Variants in IRAG1 observed in about 807,000 individuals in gnomAD.
IRAG1 encodes IP3R-associated cGMP kinase substrate.
A neutral mutation model predicts 106.2 loss-of-function variants in IRAG1; 62 were observed. That is an observed-to-expected ratio of 0.58 (90% CI 0.48 to 0.72). The LOEUF is 0.72. Ranked by LOEUF, IRAG1 falls within the 30% of genes least tolerant of loss-of-function variation. The probability of loss-of-function intolerance (pLI) is 0.00; values close to 1 mark genes in which losing one functional copy is unlikely to be tolerated. For synonymous variants in IRAG1, 462 were observed against 443.9 expected, an observed-to-expected ratio of 1.04 and a Z score of -0.51; for missense variants, 1,064 against 1,140.7, an observed-to-expected ratio of 0.93 and a Z score of 0.97.
Position 10,632,047 on chromosome 11 carries a change from T to A in IRAG1, c.344A>T (p.His115Leu). ...CAAGTGTCGGTGAGAAAGCCTCTTG[T>A]GGGGACTGTGAACTCTGAAAGACAG... is the stretch of plus-strand genomic sequence containing the variant. The part of the protein sequence containing the change: ...KNLANRVHSP[H>L]KRLSHRHLKV... Residue 115 changes from histidine (H) to leucine (L), a missense_variant, in exon 4 of 21, where the codon CAC (histidine) becomes CTC (leucine). His to Leu is a moderately conservative substitution (Grantham distance 99, BLOSUM62 -3). Transcript: ENST00000423302. 1 of 1,613,776 alleles carries A rather than the reference T, an allele frequency of 6.2e-7. No individual in the cohort carries two copies. Among genetic ancestry groups the A allele is most frequent in the Non-Finnish European group, 8.5e-7 (1 of 1,179,730 alleles).
intron 15 of IRAG1, among the ~76,000 whole-genome samples, chr11:10,600,479 T>C (rs537636485): frequency 1.3e-5 from 2 of 152,248 alleles, no homozygotes; most frequent in African/African-American, 4.8e-5. Context: ...AAACTACATA[T>C]ATGATCAAGT....
intron 1 of IRAG1, among the ~76,000 whole-genome samples, chr11:10,692,025 T>A (rs1392877144): frequency 6.6e-6 from 1 of 152,228 alleles, no homozygotes; most frequent in Non-Finnish European, 1.5e-5. Context: ...GTGTTTGCTG[T>A]TTATTTTCTT....
chr11:10,578,873 T>C (rs1447131635), intron 20 of IRAG1, among the ~76,000 whole-genome samples: 1 of 152,194 alleles, frequency 6.6e-6, no homozygotes, highest in Non-Finnish European at 1.5e-5. Context: ...TCTTTTGTTC[T>C]TTCTCAGTGT....
chr11:10,645,458 C>T (rs1489242970), intron 2 of IRAG1, among the ~76,000 whole-genome samples: 1 of 152,186 alleles, frequency 6.6e-6, no homozygotes, highest in Non-Finnish European at 1.5e-5. Flanking sequence ...TGTACGACTG[C>T]GTTCTGAAGG....
At chr11:10,667,786 G>A (rs1034817388) in intron 1 of IRAG1, among the ~76,000 whole-genome samples, 6 of 152,156 alleles carry the variant, frequency 3.9e-5, no homozygotes, top group African/African-American at 9.7e-5. Flanking sequence ...ATAAAATGAA[G>A]ATTCCTACAC....
At chr11:10,666,093 A>G (rs1589946317) in intron 1 of IRAG1, among the ~76,000 whole-genome samples, 1 of 152,150 alleles carries the variant, frequency 6.6e-6, no homozygotes, top group African/African-American at 2.4e-5. Flanking sequence ...TAATGATATG[A>G]GATTGGAAGT....
intron 2 of IRAG1, among the ~76,000 whole-genome samples, chr11:10,642,338 C>T (rs936837207): frequency 1.3e-5 from 2 of 152,166 alleles, no homozygotes; most frequent in African/African-American, 2.4e-5. Context: ...TTTTCCTAAC[C>T]GCCTGGGCAC....
At chr11:10,642,662 T>A (rs1362554972) in intron 2 of IRAG1, among the ~76,000 whole-genome samples, 7 of 152,358 alleles carry the variant, frequency 4.6e-5, no homozygotes, top group Non-Finnish European at 1.0e-4. Flanking sequence ...AAACATTACA[T>A]AGAGCTAATA....
intron 1 of IRAG1, among the ~76,000 whole-genome samples, chr11:10,687,953 A>T (rs1405591296): frequency 1.3e-5 from 2 of 152,082 alleles, no homozygotes; most frequent in Admixed American, 6.5e-5. Flanking sequence ...AAAAATCTGA[A>T]ATCTAAAATG....
intron 5 of IRAG1, among the ~76,000 whole-genome samples, chr11:10,629,245 G>A (rs1437173939): frequency 6.6e-6 from 1 of 152,142 alleles, no homozygotes; most frequent in African/African-American, 2.4e-5. Flanking sequence ...GAAGAAAAGT[G>A]ACTCTAGCAT....
chr11:10,652,289 A>G (rs932922984), intron 1 of IRAG1, 107 bp from the exon 2 acceptor site: 3 of 1,538,436 alleles, frequency 2.0e-6, no homozygotes, highest in African/African-American at 2.7e-5. Context: ...TTGAGTTTGC[A>G]TCAACACCGG....
At chr11:10,593,309 A>T in intron 17 of IRAG1, 183 bp downstream of exon 17, 1 of 506,888 alleles carries the variant, frequency 2.0e-6, no homozygotes, top group Non-Finnish European at 3.6e-6. Flanking sequence ...TTCCCAGAGT[A>T]GTAGAATACA....
rs1423936952 is a variant in IRAG1 at position 10,576,347 on chromosome 11, C to T, written c.2724G>A (p.Gln908=). 1 of 1,613,890 alleles carries T rather than the reference C, an allele frequency of 6.2e-7. No homozygotes were observed. The highest frequency in any genetic ancestry group is 1.7e-5 in the Admixed American group (1 of 60,010). ...SWWSSGLQHE[Q]PTEQ The stretch of plus-strand genomic sequence containing the variant: ...GTGAGGTTTCCTACTGCTCTGTAGG[C>T]TGCTCATGCTGGAGTCCTGAGCTCC... The change falls in exon 21 of 21, where the codon CAG becomes CAA. Residue 908 remains glutamine (Q), a synonymous_variant. Transcript: ENST00000423302.
Position 10,575,759 on chromosome 11 carries a change from T to TC in IRAG1, c.*572dup, listed in dbSNP as rs1470077853. 1.3e-5 allele frequency: 2 copies of TC among 156,662 alleles called. No individual in the cohort carries two copies. The highest frequency in any genetic ancestry group is 4.9e-5 in the African/African-American group (2 of 40,794). 9.7% of individuals were successfully genotyped at this position (156,662 alleles called of 1,614,324 possible). On this transcript the variant is annotated 3_prime_UTR_variant, in exon 21 of 21. Coordinates refer to ENST00000423302, the MANE Select transcript of IRAG1 (RefSeq NM_130385.4). ...TTCAGCCTATACTTTTTTTTTTTTT[T>TC]CTGAGAAGCCTTTCCTACTTCTGTA...
intron 8 of IRAG1, 44 bp downstream of exon 8, chr11:10,627,672 C>T (rs957935540): frequency 2.5e-6 from 4 of 1,609,024 alleles, no homozygotes; most frequent in Non-Finnish European, 3.4e-6. Context: ...GAGACTGTGC[C>T]CCCCACACTC....
At chr11:10,605,666 G>A (rs573482758) in intron 12 of IRAG1, among the ~76,000 whole-genome samples, 12 of 152,250 alleles carry the variant, frequency 7.9e-5, no homozygotes, top group African/African-American at 2.2e-4. Context: ...CCACCATGCC[G>A]AGAGCTGTGT....
intron 1 of IRAG1, among the ~76,000 whole-genome samples, chr11:10,679,985 C>T (rs1265129977): frequency 2.0e-5 from 3 of 151,968 alleles, no homozygotes; most frequent in Non-Finnish European, 2.9e-5. Flanking sequence ...TTTAAAACTC[C>T]ACTCTGGGCC....
At position 10,626,510 on chromosome 11, in the gene IRAG1, C is replaced by T. The variant is rs565811419; in HGVS notation, c.824G>A (p.Arg275His). The T allele has an allele frequency of 2.0e-5, 32 of 1,613,226 alleles. No individual in the cohort carries two copies. The highest frequency in any genetic ancestry group is 6.7e-5 in the East Asian group (3 of 44,876). Residue 275 changes from arginine (R) to histidine (H), a missense_variant, in exon 9 of 21, where the codon CGT becomes CAT. By Grantham distance (29) the Arg-to-His change is conservative. Coordinates refer to ENST00000423302, the MANE Select transcript of IRAG1 (RefSeq NM_130385.4). Reference sequence around the variant, plus strand: ...TTTGGACTTCTCAACTGGAGGAGGACGAGGAGCCAGCCTGCCCTGAGACAC... The same window carrying T: ...TTTGGACTTCTCAACTGGAGGAGGATGAGGAGCCAGCCTGCCCTGAGACAC... ...RKVSQGRLAPRPPPVEKSKEI... is the reference protein window; with the variant it reads ...RKVSQGRLAPHPPPVEKSKEI...
intron 1 of IRAG1, among the ~76,000 whole-genome samples, chr11:10,682,107 A>T (rs1861306896): frequency 6.6e-6 from 1 of 152,222 alleles, no homozygotes; most frequent in Admixed American, 6.5e-5. Context: ...TAACATAGAG[A>T]TAATATTATA....
Sources: allele counts gnomAD v4.1 joint callset (sites outside exome capture counted in the v4.1 genomes callset), GRCh38; gene constraint gnomAD v4.1.1; transcripts MANE v1.5; gene names NCBI Gene and HGNC (gene_info 2026-07-23, HGNC 2026-07-21).